FGF12: variants seen among roughly 807,000 people sequenced by gnomAD.
FGF12 encodes the protein fibroblast growth factor 12B.
In FGF12, 14 loss-of-function variants were observed where a neutral mutation model predicts 23.6. That is an observed-to-expected ratio of 0.59 (90% confidence interval 0.39 to 0.93). FGF12 has a LOEUF of 0.93. Among genes scored for constraint, FGF12 ranks in the 40% least tolerant of loss-of-function variants. FGF12 has a pLI of 0.00. For missense variants in FGF12, 175 were observed against 217.8 expected (o/e 0.80, Z 1.24); for synonymous variants, 62 against 77.3 (o/e 0.80, Z 1.04).
intron 2 of FGF12, among the ~76,000 whole-genome samples, chr3:192,471,756 C>T (rs1723179427): frequency 6.6e-6 from 1 of 152,182 alleles, no homozygotes; most frequent in African/African-American, 2.4e-5. Context: ...ACATGTGTAG[C>T]TGAGTTTGCA....
intron 2 of FGF12, among the ~76,000 whole-genome samples, chr3:192,498,917 C>T (rs774789323): frequency 3.3e-5 from 5 of 152,306 alleles, no homozygotes; most frequent in African/African-American, 4.8e-5. Flanking sequence ...AGCATCATAA[C>T]AGAATAGGTC....
chr3:192,658,384 T>C lies in FGF12; in HGVS notation c.13+68797A>G, dbSNP rs1415444815. Among the ~76,000 whole-genome samples the C allele has an allele frequency of 2.6e-5, 4 of 152,202 alleles. No homozygotes were observed. The East Asian group carries it at 7.7e-4, about 29-fold the overall frequency. On this transcript the variant is annotated intron_variant, in intron 2 of 5. Transcript: ENST00000445105. ...TTTCAACTCAAGATCAGCTGCTGGCTTGTGAGAACGTTCCCTTGGGTACCT... is the reference window on the plus strand; with the variant it reads ...TTTCAACTCAAGATCAGCTGCTGGCCTGTGAGAACGTTCCCTTGGGTACCT...
chr3:192,721,404 T>A (rs1479208595), intron 2 of FGF12, among the ~76,000 whole-genome samples: 1 of 152,168 alleles, frequency 6.6e-6, no homozygotes, highest in African/African-American at 2.4e-5. Context: ...TGATCCTTTG[T>A]TTTGTTATCT....
At chr3:192,686,992 A>AGACAG (rs1717767796) in intron 2 of FGF12, among the ~76,000 whole-genome samples, 1 of 151,006 alleles carries the variant, frequency 6.6e-6, no homozygotes, top group East Asian at 1.9e-4. Flanking sequence ...CCACAACTGG[A>AGACAG]TAATTTTTTT....
chr3:192,265,355 A>G (rs1398810039), intron 4 of FGF12: 1 of 152,148 alleles, frequency 6.6e-6, no homozygotes, highest in Non-Finnish European at 1.5e-5. Context: ...AGTGCTATTC[A>G]GATGGACTAA....
At chr3:192,244,027 AT>A (rs1560031508) in intron 4 of FGF12, among the ~76,000 whole-genome samples, 3 of 152,124 alleles carry the variant, frequency 2.0e-5, no homozygotes, top group Non-Finnish European at 4.4e-5. Flanking sequence ...GATGAATAGA[AT>A]TTTTTATCCA....
chr3:192,666,973 A>G (rs1457140208), intron 2 of FGF12, among the ~76,000 whole-genome samples: 5 of 152,312 alleles, frequency 3.3e-5, no homozygotes, highest in African/African-American at 1.2e-4. Flanking sequence ...AAAGAACATC[A>G]TAATATAATC....
chr3:192,257,851 T>C (rs1293964313), intron 4 of FGF12, among the ~76,000 whole-genome samples: 3 of 151,972 alleles, frequency 2.0e-5, no homozygotes. Context: ...TTCTAAACGA[T>C]ATTATTCTAT....
intron 2 of FGF12, among the ~76,000 whole-genome samples, chr3:192,697,124 T>A (rs142639991): frequency 1.3e-3 from 193 of 150,194 alleles, no homozygotes; most frequent in African/African-American, 4.6e-3. Flanking sequence ...ACAGAAGCAA[T>A]GGGATCAGCA....
At chr3:192,199,503 C>T (rs1162839645) in intron 4 of FGF12, among the ~76,000 whole-genome samples, 1 of 152,130 alleles carries the variant, frequency 6.6e-6, no homozygotes, top group African/African-American at 2.4e-5. Context: ...GTGAAGCCAG[C>T]TAACAAATGG....
chr3:192,160,528 CTTCA>C (rs1714808534), intron 5 of FGF12, among the ~76,000 whole-genome samples: 1 of 152,158 alleles, frequency 6.6e-6, no homozygotes, highest in Non-Finnish European at 1.5e-5. Flanking sequence ...AAAAATTTAC[CTTCA>C]TCATCCTTTT....
At chr3:192,704,265 T>C (rs1718395524) in intron 2 of FGF12, among the ~76,000 whole-genome samples, 1 of 152,182 alleles carries the variant, frequency 6.6e-6, no homozygotes, top group African/African-American at 2.4e-5. Context: ...ATTTGATCCA[T>C]AGCTATAGGA....
At chr3:192,458,147 T>C (rs1239056813) in intron 2 of FGF12, among the ~76,000 whole-genome samples, 1 of 152,172 alleles carries the variant, frequency 6.6e-6, no homozygotes, top group African/African-American at 2.4e-5. Flanking sequence ...AGGCGAAAGT[T>C]TGCTGCAGAG....
At chr3:192,677,189 C>T (rs1049020366) in intron 2 of FGF12, among the ~76,000 whole-genome samples, 1 of 152,208 alleles carries the variant, frequency 6.6e-6, no homozygotes, top group Non-Finnish European at 1.5e-5. Flanking sequence ...CAGTGACCTT[C>T]CTCCTTCCTC....
intron 4 of FGF12, among the ~76,000 whole-genome samples, chr3:192,198,774 T>C (rs1717210276): frequency 6.6e-6 from 1 of 152,238 alleles, no homozygotes; most frequent in African/African-American, 2.4e-5. Context: ...ATTATTACAG[T>C]GAAGAGGTAA....
chr3:192,612,393 A>G (rs548284836), intron 2 of FGF12, among the ~76,000 whole-genome samples: 18 of 152,128 alleles, frequency 1.2e-4, no homozygotes, highest in African/African-American at 4.3e-4. Context: ...ATTATGCCGA[A>G]CTGGGATCTA....
intron 4 of FGF12, among the ~76,000 whole-genome samples, chr3:192,190,178 A>G (rs1157422121): frequency 6.6e-6 from 1 of 152,208 alleles, no homozygotes. Flanking sequence ...GATCAAACAC[A>G]GTGGTCAAAG....
intron 4 of FGF12, among the ~76,000 whole-genome samples, chr3:192,280,617 A>G (rs1027487575): frequency 2.0e-5 from 3 of 152,002 alleles, no homozygotes; most frequent in African/African-American, 7.2e-5. Context: ...TACATTTATG[A>G]TATTATTTTT....
chr3:192,546,506 T>A (rs528427484), intron 2 of FGF12, among the ~76,000 whole-genome samples: 19 of 150,888 alleles, frequency 1.3e-4, no homozygotes, highest in African/African-American at 4.1e-4. Flanking sequence ...AAAAAAAGGA[T>A]ATTTCGACAG....
Sources: gnomAD v4.1 joint callset for allele counts (sites outside exome capture counted in the v4.1 genomes callset) on GRCh38, gnomAD v4.1.1 for gene constraint, MANE v1.5 for transcripts, NCBI Gene and HGNC (gene_info 2026-07-23, HGNC 2026-07-21) for gene names.